The following TULP4 variants were observed in gnomAD, a reference collection of about 807,000 sequenced individuals.
TULP4 encodes the protein TUB like protein 4.
TULP4 carries 16 observed loss-of-function variants against 129.0 expected under a neutral mutation model. The observed-to-expected ratio is 0.12, with a 90% confidence interval of 0.08 to 0.19. TULP4 has a LOEUF of 0.19. Ranked by LOEUF, TULP4 falls within the 10% of genes least tolerant of loss-of-function variation. TULP4 has a pLI of 1.00. For missense variants in TULP4, 1,842 were observed against 2,059.1 expected (o/e 0.89, Z 2.04); for synonymous variants, 998 against 854.0 (o/e 1.17, Z -2.94).
intron 1 of TULP4, among the ~76,000 whole-genome samples, chr6:158,363,996 T>G (rs2771426): frequency 0.92 from 140,571 of 152,188 alleles, 64,978 homozygotes; most frequent in Admixed American, 0.95. Context: ...CAAAATAAAT[T>G]AAAAAAACCC....
At chr6:158,234,523 A>T (rs1289744290) in intron 1 of TULP4, among the ~76,000 whole-genome samples, 1 of 152,240 alleles carries the variant, frequency 6.6e-6, no homozygotes, top group Non-Finnish European at 1.5e-5. Context: ...ATTTTTATTC[A>T]TCTGTTCTAC....
At chr6:158,476,457 C>G (rs577548079) in intron 6 of TULP4, among the ~76,000 whole-genome samples, 1 of 152,306 alleles carries the variant, frequency 6.6e-6, no homozygotes, top group Admixed American at 6.5e-5. Flanking sequence ...ATCCTTTAAT[C>G]TTTCGCGTCT....
At chr6:158,365,889 CTTTT>C (rs1780937342) in intron 1 of TULP4, among the ~76,000 whole-genome samples, 1 of 84,534 alleles carries the variant, frequency 1.2e-5, no homozygotes, top group Non-Finnish European at 2.4e-5. Context: ...TTTTTTTTTT[CTTTT>C]TCTTTCTTTT....
At chr6:158,289,523 G>T (rs908751989) in intron 1 of TULP4, among the ~76,000 whole-genome samples, 1 of 152,054 alleles carries the variant, frequency 6.6e-6, no homozygotes, top group South Asian at 2.1e-4. Flanking sequence ...TCTAACATAA[G>T]TTTTATAACA....
intron 1 of TULP4, among the ~76,000 whole-genome samples, chr6:158,410,353 A>G (rs561593288): frequency 6.6e-6 from 1 of 150,568 alleles, no homozygotes; most frequent in African/African-American, 2.4e-5. Flanking sequence ...TTTGTTTTTG[A>G]TGGATATTAA....
upstream of TULP4, among the ~76,000 whole-genome samples, chr6:158,281,221 T>C (rs887887320): frequency 6.6e-6 from 1 of 152,052 alleles, no homozygotes; most frequent in Non-Finnish European, 1.5e-5. Context: ...GTAATTTTTT[T>C]TTTTTTTTTG....
chr6:158,506,456 C>A, intron 13 of TULP4, 122 bp from the exon 14 acceptor site: 1 of 741,314 alleles, frequency 1.3e-6, no homozygotes, highest in South Asian at 1.4e-5. Context: ...TGGTCTCTAT[C>A]TCCTGACGTC....
At chr6:158,260,147 T>C (rs893232208) in intron 1 of TULP4, among the ~76,000 whole-genome samples, 14 of 152,200 alleles carry the variant, frequency 9.2e-5, no homozygotes, top group African/African-American at 3.4e-4. Context: ...CTTGAAATGC[T>C]CTAAGGGCCC....
At chr6:158,417,346 C>T (rs528679583) in intron 2 of TULP4, among the ~76,000 whole-genome samples, 1 of 152,260 alleles carries the variant, frequency 6.6e-6, no homozygotes, top group Admixed American at 6.5e-5. Flanking sequence ...GCCCTGGAGG[C>T]AAATGAGCTT....
chr6:158,267,679 C>T (rs1562499915), intron 1 of TULP4, among the ~76,000 whole-genome samples: 1 of 152,144 alleles, frequency 6.6e-6, no homozygotes, highest in African/African-American at 2.4e-5. Flanking sequence ...TGTGGCAATC[C>T]AAAGTTAACT....
At chr6:158,246,600 T>G (rs779260786) in intron 1 of TULP4, among the ~76,000 whole-genome samples, 5 of 152,170 alleles carry the variant, frequency 3.3e-5, no homozygotes, top group Non-Finnish European at 5.9e-5. Flanking sequence ...CTTTTAACCA[T>G]CTCTTTACCA....
chr6:158,240,923 G>A (rs1467863970), intron 1 of TULP4, among the ~76,000 whole-genome samples: 5 of 148,244 alleles, frequency 3.4e-5, no homozygotes, highest in African/African-American at 1.2e-4. Flanking sequence ...GGTGGCTGCC[G>A]GGCGGAGAGG....
At chr6:158,406,261 G>C (rs978937241) in intron 1 of TULP4, among the ~76,000 whole-genome samples, 2 of 152,118 alleles carry the variant, frequency 1.3e-5, no homozygotes, top group African/African-American at 4.8e-5. Context: ...TTCCTCATCT[G>C]TGAGCCAGAG....
At chr6:158,242,533 A>C in intron 1 of TULP4, 1 of 752,108 alleles carries the variant, frequency 1.3e-6, no homozygotes. Context: ...ACTGTCTTCA[A>C]GACATTCTCA....
rs1780716126 is a variant in TULP4 at position 158,510,598 on chromosome 6, T to C, written c.*3904T>C. On this transcript the variant is annotated 3_prime_UTR_variant, in exon 14 of 14. Coordinates refer to ENST00000367097, the MANE Select transcript of TULP4 (RefSeq NM_020245.5). ...CTGTGTTAATGAGCTATGTACTGAATATAAACCAGTGCATTTAAAGTAATA... is the reference window on the plus strand; with the variant it reads ...CTGTGTTAATGAGCTATGTACTGAACATAAACCAGTGCATTTAAAGTAATA... The C allele has an allele frequency of 6.6e-6, 1 of 152,246 alleles. No homozygotes were observed. The highest frequency in any genetic ancestry group is 1.5e-5 in the Non-Finnish European group (1 of 68,050). The allele number at this position is 152,246 out of a possible 1,614,324, so 9.4% of individuals were successfully genotyped here.
At position 158,326,731 on chromosome 6, in the gene TULP4, C is replaced by T. The variant is rs375104110; in HGVS notation, c.252+12463C>T. ...GCATAGTAGTTAAGAGCTCAGGCCC[C>T]GGAGCTAGACTCAGTTTACGTTCTA... On this transcript the variant is annotated intron_variant, in intron 1 of 13. Transcript: ENST00000367097. 5.9e-5 allele frequency among the ~76,000 whole-genome samples: 9 copies of T among 152,242 alleles called. No individual in the cohort carries two copies. In the East Asian group the frequency reaches 9.6e-4, roughly 16 times the overall value.
At chr6:158,309,518 G>A (rs369005459), upstream of TULP4, among the ~76,000 whole-genome samples, 8 of 151,930 alleles carry the variant, frequency 5.3e-5, no homozygotes, top group African/African-American at 1.4e-4. Context: ...CACTCTCGGC[G>A]CTTTGGGAGG....
chr6:158,474,125 T>A (rs612557), intron 6 of TULP4, among the ~76,000 whole-genome samples: 63,608 of 152,204 alleles, frequency 0.42, 14,603 homozygotes, highest in African/African-American at 0.62. Flanking sequence ...CTTGCCCTTC[T>A]TCTGTTTTAA....
chr6:158,440,620 A>G (rs1423447581), intron 3 of TULP4, among the ~76,000 whole-genome samples: 1 of 152,214 alleles, frequency 6.6e-6, no homozygotes, highest in Admixed American at 6.5e-5. Flanking sequence ...AACTAAACAT[A>G]TATAGGAATG....
Sources: allele counts gnomAD v4.1 joint callset (sites outside exome capture counted in the v4.1 genomes callset), GRCh38; gene constraint gnomAD v4.1.1; transcripts MANE v1.5; gene names NCBI Gene and HGNC (gene_info 2026-07-23, HGNC 2026-07-21).